Variants in SLC7A5 observed in about 807,000 individuals in gnomAD.
SLC7A5 encodes the protein large neutral amino acids transporter small subunit 1.
A neutral mutation model predicts 50.2 loss-of-function variants in SLC7A5; 23 were observed. The ratio of observed to expected loss-of-function variants is 0.46; its 90% CI spans 0.33 to 0.65. SLC7A5 has a LOEUF of 0.65. SLC7A5 is among the 30% of genes least tolerant of loss of function. The probability of loss-of-function intolerance (pLI) is 0.02; values close to 1 mark genes in which losing one functional copy is unlikely to be tolerated. For synonymous variants in SLC7A5, 393 were observed against 330.6 expected (o/e 1.19, Z -2.05); for missense variants, 578 against 684.4 (o/e 0.84, Z 1.73).
At chr16:87,834,384 C>G in intron 9 of SLC7A5, 30 bp downstream of exon 9, 1 of 1,550,346 alleles carries the variant, frequency 6.5e-7, no homozygotes, top group Non-Finnish European at 8.7e-7. Flanking sequence ...GCAGAGGGTA[C>G]CACGGGCTGT....
Position 87,838,826 on chromosome 16 carries a change from G to A in SLC7A5, c.940-9C>T, listed in dbSNP as rs753269380. ...TGATAGTTCCCGAAGTCCTAGGCAG[G>A]CACAACCAGTGAGCTGGGCCCCACC... On this transcript the variant is annotated splice_polypyrimidine_tract_variant and intron_variant, in intron 5 of 9. Transcript: ENST00000261622. 1.9e-6 allele frequency: 3 copies of A among 1,608,992 alleles called. No homozygotes were observed. The African/African-American group carries it at 4.0e-5, about 22-fold the overall frequency.
intron 1 of SLC7A5, among the ~76,000 whole-genome samples, chr16:87,867,959 C>CA (rs1381778429): frequency 2.0e-5 from 3 of 151,150 alleles, no homozygotes; most frequent in Admixed American, 6.6e-5. Context: ...ACTAAAAATA[C>CA]AAAAAAAATT....
intron 1 of SLC7A5, among the ~76,000 whole-genome samples, chr16:87,866,744 G>C (rs539520138): frequency 5.9e-5 from 9 of 152,268 alleles, no homozygotes; most frequent in South Asian, 4.1e-4. Context: ...GGGATTACAG[G>C]TGTGAGCCAC....
In SLC7A5 at chr16:87,839,814, A is replaced by C. The variant is rs1567489955; in HGVS notation, c.827T>G (p.Leu276Arg). 6.2e-7 allele frequency: 1 copy of C among 1,613,854 alleles called. No individual in the cohort carries two copies. Among genetic ancestry groups the C allele is most frequent in the South Asian group, 1.1e-5 (1 of 91,084 alleles). The change falls in exon 5 of 10, where the codon CTG becomes CGG. Residue 276 changes from leucine to arginine, a missense_variant. Leu to Arg is a moderately radical substitution (Grantham distance 102). Transcript: ENST00000261622. The part of the protein sequence containing the change: ...EMINPYRNLP[L>R]AIIISLPIVT... ...GATGGGCAGGGAGATGATGATGGCC[A>C]GGGGCAGGTTTCTGGAAAGAACAGG... is the stretch of plus-strand genomic sequence containing the variant.
At chr16:87,844,022 C>T (rs563586240) in intron 2 of SLC7A5, among the ~76,000 whole-genome samples, 2 of 152,320 alleles carry the variant, frequency 1.3e-5, no homozygotes, top group South Asian at 4.1e-4. Context: ...AGCCTCCACA[C>T]CTGACAGTCT....
chr16:87,854,410 A>C (rs930959681), intron 1 of SLC7A5, among the ~76,000 whole-genome samples: 1 of 152,230 alleles, frequency 6.6e-6, no homozygotes, highest in South Asian at 2.1e-4. Context: ...ATAAAATCTT[A>C]AACAAATACA....
chr16:87,833,134 C>T lies in SLC7A5; in HGVS notation c.1469-109G>A. The T allele has an allele frequency of 1.4e-5, 13 of 906,162 alleles. No homozygotes were observed. Among genetic ancestry groups the T allele is most frequent in the Non-Finnish European group, 2.2e-5 (12 of 539,488 alleles). The allele number at this position is 906,162 out of a possible 1,614,324, so 56.1% of individuals were successfully genotyped here. A position where few individuals can be genotyped will look rare whatever the true frequency, so the allele number is the denominator to read the frequency against. ...AGCCCTGCTGTCACCAAACCCAGCG[C>T]CGCTGCCCAGCGCTGGGATTTTAAG... is the stretch of plus-strand genomic sequence containing the variant. On this transcript the variant is annotated intron_variant, in intron 9 of 9. Transcript: ENST00000261622. The surrounding 1 kb of genome is among the most constrained non-coding windows in gnomAD (Gnocchi z 6.0).
intron 7 of SLC7A5, chr16:87,837,327 C>G (rs973638266): frequency 5.2e-6 from 1 of 191,132 alleles, no homozygotes; most frequent in Non-Finnish European, 1.1e-5. Context: ...TGGTCACACC[C>G]TACGATGAGA....
chr16:87,844,052 C>T (rs1054796289), intron 2 of SLC7A5, among the ~76,000 whole-genome samples: 2 of 150,720 alleles, frequency 1.3e-5, no homozygotes, highest in East Asian at 3.9e-4. Context: ...TCAGCCTCCA[C>T]CCACAAGGAG....
intron 1 of SLC7A5, among the ~76,000 whole-genome samples, chr16:87,867,843 C>T (rs1250607216): frequency 2.0e-5 from 3 of 152,156 alleles, no homozygotes; most frequent in African/African-American, 4.8e-5. Context: ...AGGCCGGGCA[C>T]GGTGGCTCAC....
rs1433857028 is a variant in SLC7A5, at chr16:87,860,870, C to T, written c.538+8015G>A. Among the ~76,000 whole-genome samples the T allele has an allele frequency of 6.6e-6, 1 of 152,192 alleles. No homozygotes were observed. On this transcript the variant is annotated intron_variant, in intron 1 of 9. Coordinates refer to ENST00000261622, the MANE Select transcript of SLC7A5 (RefSeq NM_003486.7). This position sits in a 1 kb window ranked among gnomAD's most constrained non-coding sequence, Gnocchi z 4.8. ...GGGCAATGCCAGAGAACGGTCCCCA[C>T]CTGGGGTGGTCTGACGGCCAGGGAT... is the stretch of plus-strand genomic sequence containing the variant.
In SLC7A5 at chr16:87,852,429, G is replaced by A. The variant is rs975921756; in HGVS notation, c.539-580C>T. On this transcript the variant is annotated intron_variant, in intron 1 of 9. Transcript: ENST00000261622. The surrounding 1 kb of genome is among the most constrained non-coding windows in gnomAD (Gnocchi z 4.5). ...GAGGGGCCACAGGGGCCTGTGGTGA[G>A]CAGAGCAGACCCTGCTGCCCTGCTG... 1.2e-4 allele frequency among the ~76,000 whole-genome samples: 19 copies of A among 152,320 alleles called. No homozygotes were observed. Among genetic ancestry groups the A allele is most frequent in the African/African-American group, 4.6e-4 (19 of 41,554 alleles).
intron 1 of SLC7A5, among the ~76,000 whole-genome samples, chr16:87,864,680 C>A (rs2055439603): frequency 6.6e-6 from 1 of 152,250 alleles, no homozygotes; most frequent in Non-Finnish European, 1.5e-5. Context: ...AGGGTCCCAG[C>A]CGCTTATAGG....
At position 87,837,897 on chromosome 16, in the gene SLC7A5, A is replaced by G; in HGVS notation, c.1088T>C (p.Leu363Pro). The G allele has an allele frequency of 6.2e-7, 1 of 1,608,706 alleles. No homozygotes were observed. Among genetic ancestry groups the G allele is most frequent in the Non-Finnish European group, 8.5e-7 (1 of 1,178,536 alleles). The part of the protein sequence containing the change: ...GSREGHLPSI[L>P]SMIHPQLLTP... The stretch of plus-strand genomic sequence containing the variant: ...GAGGAGCTGTGGGTGGATCATGGAG[A>G]GGATGGAGGGCAGGTGGCCTTCCCG... The change falls in exon 7 of 10, where the codon CTC (leucine) becomes CCC (proline). Residue 363 changes from leucine (L) to proline (P), a missense_variant. Physicochemically the swap from Leu to Pro is moderately conservative, Grantham distance 98. Around this residue, in one of 2 missense-constraint regions of SLC7A5, gnomAD observed 465 missense variants for 594.6 expected, o/e 0.78. Coordinates refer to ENST00000261622, the MANE Select transcript of SLC7A5 (RefSeq NM_003486.7).
chr16:87,859,044 C>A (rs1324979102), intron 1 of SLC7A5, among the ~76,000 whole-genome samples: 2 of 152,246 alleles, frequency 1.3e-5, no homozygotes, highest in Admixed American at 1.3e-4. Flanking sequence ...CTGCCCTCCT[C>A]ACCTGCCCCC....
At chr16:87,847,308 C>T (rs1171630597) in intron 2 of SLC7A5, among the ~76,000 whole-genome samples, 1 of 152,200 alleles carries the variant, frequency 6.6e-6, no homozygotes. Context: ...ACTGAGGGGG[C>T]CTTTGTCAGA....
intron 1 of SLC7A5, among the ~76,000 whole-genome samples, chr16:87,854,174 G>A (rs1597509578): frequency 6.6e-6 from 1 of 151,116 alleles, no homozygotes; most frequent in Non-Finnish European, 1.5e-5. Flanking sequence ...CACCGGGAGG[G>A]TTCACCAGAT....
In SLC7A5 at chr16:87,837,908, C is replaced by T. The variant is rs772284939; in HGVS notation, c.1077G>A (p.Leu359=). 6.2e-7 allele frequency: 1 copy of T among 1,608,056 alleles called. No homozygotes were observed. Among genetic ancestry groups the T allele is most frequent in the South Asian group, 1.1e-5 (1 of 89,132 alleles). ...LFFVGSREGH[L]PSILSMIHPQ... is the part of the protein sequence containing the mutation. ...GGTGGATCATGGAGAGGATGGAGGG[C>T]AGGTGGCCTTCCCGGGACCCCACGA... The change falls in exon 7 of 10, where the codon CTG becomes CTA. Residue 359 remains leucine, a synonymous_variant. Transcript: ENST00000261622.
chr16:87,832,485 A>G lies in SLC7A5; in HGVS notation c.*485T>C, dbSNP rs1280160249. The G allele has an allele frequency of 6.6e-6, 1 of 151,952 alleles. No individual in the cohort carries two copies. Among genetic ancestry groups the G allele is most frequent in the African/African-American group, 2.4e-5 (1 of 41,084 alleles). 9.4% of individuals were successfully genotyped at this position (151,952 alleles called of 1,614,324 possible). On this transcript the variant is annotated 3_prime_UTR_variant, in exon 10 of 10. Transcript: ENST00000261622. The surrounding 1 kb of genome is among the most constrained non-coding windows in gnomAD (Gnocchi z 4.6). ...CACAGGGTTGGTTTTCACGAATGTC[A>G]CAAGCCCATGTGTCTGGGCAGCTGT...
Sources: allele counts gnomAD v4.1 joint callset (sites outside exome capture counted in the v4.1 genomes callset), GRCh38; gene constraint gnomAD v4.1.1; regional missense constraint gnomAD v4.1.1; non-coding constraint Gnocchi (gnomAD v3.1); transcripts MANE v1.5; gene names NCBI Gene and HGNC (gene_info 2026-07-23, HGNC 2026-07-21).